The following SLC9A9 variants were observed in gnomAD, a reference collection of about 807,000 sequenced individuals.
The protein encoded by SLC9A9 is sodium/hydrogen exchanger 9.
In SLC9A9, 62 loss-of-function variants were observed where a neutral mutation model predicts 77.8. The ratio of observed to expected loss-of-function variants is 0.80; its 90% CI spans 0.65 to 0.98. The LOEUF is 0.98. Ranked by LOEUF, SLC9A9 falls within the 50% of genes least tolerant of loss-of-function variation. The pLI, the probability that SLC9A9 is intolerant of heterozygous loss-of-function variation, is 0.00. For synonymous variants in SLC9A9, 320 were observed against 283.5 expected, an observed-to-expected ratio of 1.13 and a Z score of -1.29; for missense variants, 775 against 774.9, an observed-to-expected ratio of 1.00 and a Z score of 0.00.
chr3:143,753,393 C>A (rs1560063829), intron 4 of SLC9A9, among the ~76,000 whole-genome samples: 1 of 152,196 alleles, frequency 6.6e-6, no homozygotes. Flanking sequence ...TCCCCATCCC[C>A]TATTTTTGCA....
intron 2 of SLC9A9, among the ~76,000 whole-genome samples, chr3:143,811,588 A>C (rs1169498400): frequency 1.3e-5 from 2 of 152,124 alleles, no homozygotes; most frequent in Non-Finnish European, 2.9e-5. Context: ...GCTCACACCT[A>C]TAATCCCAGT....
intron 11 of SLC9A9, among the ~76,000 whole-genome samples, chr3:143,476,460 G>C (rs2035478716): frequency 6.6e-6 from 1 of 152,214 alleles, no homozygotes; most frequent in South Asian, 2.1e-4. Context: ...ATTGTAAATA[G>C]GATTAGCTCT....
intron 5 of SLC9A9, among the ~76,000 whole-genome samples, chr3:143,666,318 A>T (rs547073702): frequency 6.6e-6 from 1 of 152,236 alleles, no homozygotes; most frequent in Non-Finnish European, 1.5e-5. Flanking sequence ...TAAACTAGGT[A>T]TTGATGGGAC....
Position 143,628,219 on chromosome 3 carries a change from G to A in SLC9A9, c.755+24036C>T, listed in dbSNP as rs116058772. ...ATAAAAGGAGAGAAAGGGTACAGAT[G>A]CACCTCCACTTACGATGGGGTTACA... On this transcript the variant is annotated intron_variant, in intron 6 of 15. Transcript: ENST00000316549. Among the ~76,000 whole-genome samples, 954 of 152,222 alleles carry A rather than the reference G, an allele frequency of 6.3e-3. 12 individuals are homozygous for A. The highest frequency in any genetic ancestry group is 0.022 in the African/African-American group (907 of 41,538).
rs139582672 is a variant in SLC9A9 at position 143,551,004 on chromosome 3, A to C, written c.1089+1358T>G. On this transcript the variant is annotated intron_variant, in intron 9 of 15. Transcript: ENST00000316549. ...TGGAAACGGAGTCATTGTAAATGTA[A>C]TCAGCTAAGATGAGGTCATACCAGA... 4.2e-3 allele frequency among the ~76,000 whole-genome samples: 644 copies of C among 152,306 alleles called. 3 individuals carry two copies. Among genetic ancestry groups the C allele is most frequent in the Middle Eastern group, 0.02 (6 of 294 alleles).
intron 4 of SLC9A9, among the ~76,000 whole-genome samples, chr3:143,749,512 C>A (rs2006641968): frequency 6.6e-6 from 1 of 152,218 alleles, no homozygotes; most frequent in Non-Finnish European, 1.5e-5. Flanking sequence ...ATTACGCATT[C>A]CACTTTATAA....
At chr3:143,574,064 G>T (rs780038943) in intron 8 of SLC9A9, 24 bp downstream of exon 8, 29 of 1,594,228 alleles carry the variant, frequency 1.8e-5, no homozygotes, top group Non-Finnish European at 2.5e-5. Flanking sequence ...ACATCCAGTT[G>T]GCTGTGCAGC....
chr3:143,384,554 G>A (rs138877054), intron 12 of SLC9A9, among the ~76,000 whole-genome samples: 154 of 152,274 alleles, frequency 1.0e-3, no homozygotes, highest in African/African-American at 3.5e-3. Flanking sequence ...GCAGCACTGA[G>A]GCCTTTCACT....
chr3:143,718,433 A>G (rs1034061124), intron 4 of SLC9A9, among the ~76,000 whole-genome samples: 1 of 152,246 alleles, frequency 6.6e-6, no homozygotes, highest in Admixed American at 6.5e-5. Flanking sequence ...CCTCACAGAA[A>G]GAACATTTCT....
intron 6 of SLC9A9, among the ~76,000 whole-genome samples, chr3:143,603,483 T>C (rs1161347627): frequency 6.6e-6 from 1 of 152,226 alleles, no homozygotes; most frequent in African/African-American, 2.4e-5. Flanking sequence ...ATATTTCTCT[T>C]GAATTATTCT....
chr3:143,574,404 A>C (rs751201269), intron 7 of SLC9A9, among the ~76,000 whole-genome samples: 3 of 152,194 alleles, frequency 2.0e-5, no homozygotes, highest in Non-Finnish European at 4.4e-5. Flanking sequence ...ACGTGCCTGT[A>C]AAAATTCAAA....
chr3:143,595,793 G>A (rs2037741797), intron 6 of SLC9A9, among the ~76,000 whole-genome samples: 1 of 152,170 alleles, frequency 6.6e-6, no homozygotes. Context: ...TTCAAGTGGT[G>A]TTTAATCCCC....
intron 4 of SLC9A9, among the ~76,000 whole-genome samples, chr3:143,728,815 AAAC>A (rs1483661598): frequency 6.6e-6 from 1 of 152,008 alleles, no homozygotes; most frequent in African/African-American, 2.4e-5. Context: ...GAGGAGATGG[AAAC>A]AACAAGTATG....
rs538574594 is a variant in SLC9A9 at position 143,776,859 on chromosome 3, C to T, written c.533+18142G>A. Among the ~76,000 whole-genome samples the T allele has an allele frequency of 2.6e-5, 4 of 152,174 alleles. No individual in the cohort carries two copies. In the South Asian group the frequency reaches 6.2e-4, roughly 24 times the overall value. On this transcript the variant is annotated intron_variant, in intron 4 of 15. Transcript: ENST00000316549. ...TTGTTTTGATGGAGGAGAATGTATT[C>T]CTACATATAGTTATTTTTAAAAGAT...
chr3:143,378,894 C>T (rs1360107599), intron 13 of SLC9A9, among the ~76,000 whole-genome samples: 1 of 152,132 alleles, frequency 6.6e-6, no homozygotes, highest in East Asian at 1.9e-4. Flanking sequence ...CATTCACATT[C>T]TAAAGGTATT....
At chr3:143,640,734 C>T (rs1288189915) in intron 6 of SLC9A9, among the ~76,000 whole-genome samples, 1 of 152,060 alleles carries the variant, frequency 6.6e-6, no homozygotes, top group Non-Finnish European at 1.5e-5. Flanking sequence ...GGTCTGTGGT[C>T]CCAGCTACTC....
intron 11 of SLC9A9, among the ~76,000 whole-genome samples, chr3:143,477,818 A>G (rs1162263039): frequency 1.3e-5 from 2 of 152,170 alleles, no homozygotes; most frequent in Non-Finnish European, 2.9e-5. Context: ...GGTTATCCCT[A>G]TTGACTCACC....
In SLC9A9 at chr3:143,832,195, A is replaced by G; in HGVS notation, c.202T>C (p.Tyr68His). The G allele has an allele frequency of 6.2e-7, 1 of 1,612,572 alleles. No homozygotes were observed. The highest frequency in any genetic ancestry group is 8.5e-7 in the Non-Finnish European group (1 of 1,179,456). Residue 68 changes from tyrosine to histidine, a missense_variant, in exon 2 of 16, where the codon TAT becomes CAT. By Grantham distance (83) the Tyr-to-His change is moderately conservative. Coordinates refer to ENST00000316549, the MANE Select transcript of SLC9A9 (RefSeq NM_173653.4). ...TCAATATCAGTTGGTGCTGTAGCATATCGTAAAATTAGTCCCATTATAAGG... is the reference window on the plus strand; with the variant it reads ...TCAATATCAGTTGGTGCTGTAGCATGTCGTAAAATTAGTCCCATTATAAGG... ...YGLIMGLILR[Y>H]ATAPTDIESG... is the part of the protein sequence containing the mutation.
At chr3:143,373,800 T>G in intron 13 of SLC9A9, among the ~76,000 whole-genome samples, 1 of 151,946 alleles carries the variant, frequency 6.6e-6, no homozygotes, top group South Asian at 2.1e-4. Flanking sequence ...TAAAATAGAC[T>G]AATACCTAAG....
Sources: allele counts gnomAD v4.1 joint callset (sites outside exome capture counted in the v4.1 genomes callset), GRCh38; gene constraint gnomAD v4.1.1; transcripts MANE v1.5; gene names NCBI Gene and HGNC (gene_info 2026-07-23, HGNC 2026-07-21).